The following RYR3 variants were observed in gnomAD, a reference collection of about 807,000 sequenced individuals.
RYR3 encodes the protein brain ryanodine receptor-calcium release channel.
A neutral mutation model predicts 584.3 loss-of-function variants in RYR3; 207 were observed. That is an observed-to-expected ratio of 0.35 (90% confidence interval 0.32 to 0.40). The LOEUF (loss-of-function observed/expected upper bound fraction) is 0.40, where lower values mean the gene tolerates loss of function less well. Among genes scored for constraint, RYR3 ranks in the 10% least tolerant of loss-of-function variants. The pLI is 1.00. For missense variants in RYR3, 5,616 were observed against 6,089.2 expected (o/e 0.92, Z 2.59); for synonymous variants, 2,416 against 2,248.5 (o/e 1.07, Z -2.11).
chr15:33,667,433 C>T (rs570237855), intron 36 of RYR3, among the ~76,000 whole-genome samples: 5 of 152,130 alleles, frequency 3.3e-5, no homozygotes, highest in Admixed American at 2.6e-4. Context: ...AAAACAAGTA[C>T]CTGACTTTGA....
chr15:33,508,410 G>A (rs2052657984), intron 3 of RYR3, among the ~76,000 whole-genome samples: 1 of 152,114 alleles, frequency 6.6e-6, no homozygotes. Context: ...AGCACTCTGG[G>A]AGGCTGAGGC....
intron 27 of RYR3, among the ~76,000 whole-genome samples, chr15:33,642,383 A>T (rs1341968095): frequency 6.6e-6 from 1 of 152,238 alleles, no homozygotes; most frequent in Non-Finnish European, 1.5e-5. Flanking sequence ...TGGCTCCAAG[A>T]TAAACCTATA....
At chr15:33,582,775 A>G (rs1412435929) in intron 14 of RYR3, among the ~76,000 whole-genome samples, 2 of 152,198 alleles carry the variant, frequency 1.3e-5, no homozygotes, top group Non-Finnish European at 2.9e-5. Context: ...AAAGGAGGTT[A>G]GGAGCTCAGA....
intron 1 of RYR3, among the ~76,000 whole-genome samples, chr15:33,404,592 T>G (rs1000478707): frequency 2.0e-4 from 30 of 150,522 alleles, no homozygotes; most frequent in African/African-American, 7.2e-4. Flanking sequence ...ACTGTGTGTT[T>G]TTTTTTTTTT....
At chr15:33,319,768 C>T (rs563351632) in intron 1 of RYR3, among the ~76,000 whole-genome samples, 1 of 152,270 alleles carries the variant, frequency 6.6e-6, no homozygotes, top group Admixed American at 6.5e-5. Flanking sequence ...TCCAGGAGAA[C>T]TAGATATGTA....
chr15:33,679,970 T>G (rs1481984579), intron 38 of RYR3, among the ~76,000 whole-genome samples: 5 of 152,236 alleles, frequency 3.3e-5, no homozygotes, highest in Admixed American at 6.5e-5. Flanking sequence ...ATGGAGCTAT[T>G]GAGAGTAAAC....
In RYR3 at chr15:33,690,941, C is replaced by A. The variant is rs534254384; in HGVS notation, c.5861-5277C>A. 8.5e-5 allele frequency among the ~76,000 whole-genome samples: 13 copies of A among 152,206 alleles called. No individual in the cohort carries two copies. In the East Asian group the frequency reaches 1.2e-3, roughly 14 times the overall value. ...TTCAAAACAAAGTGATATTTCTTTG[C>A]ATGATTATAAATCTCTTTAATGTCT... On this transcript the variant is annotated intron_variant, in intron 38 of 103. Coordinates refer to ENST00000634891, the MANE Select transcript of RYR3 (RefSeq NM_001036.6).
At chr15:33,380,664 A>G (rs757995048) in intron 1 of RYR3, among the ~76,000 whole-genome samples, 2 of 152,222 alleles carry the variant, frequency 1.3e-5, no homozygotes, top group East Asian at 3.9e-4. Flanking sequence ...GCATTTGCAC[A>G]TGGCGCTAAG....
chr15:33,821,612 A>G lies in RYR3; in HGVS notation c.10995+10A>G, dbSNP rs766480170. 6.2e-7 allele frequency: 1 copy of G among 1,613,442 alleles called. No homozygotes were observed. Among genetic ancestry groups the G allele is most frequent in the South Asian group, 1.1e-5 (1 of 91,064 alleles). ...TGCTGGTGTGCAACAGGTAACGGGA[A>G]CTTGCAGCGGCTGGGCAGGCTCCCG... On this transcript the variant is annotated intron_variant, in intron 80 of 103. Coordinates refer to ENST00000634891, the MANE Select transcript of RYR3 (RefSeq NM_001036.6).
At chr15:33,400,598 G>A (rs1005316490) in intron 1 of RYR3, among the ~76,000 whole-genome samples, 10 of 152,174 alleles carry the variant, frequency 6.6e-5, no homozygotes, top group Admixed American at 5.9e-4. Context: ...CCTTCATGGA[G>A]ACTTTCTTCC....
rs1243703315 is a variant in RYR3 at position 33,457,874 on chromosome 15, T to G, written c.52-15545T>G. Among the ~76,000 whole-genome samples the G allele has an allele frequency of 8.5e-5, 13 of 152,332 alleles. No individual in the cohort carries two copies. The East Asian group carries it at 2.3e-3, about 27-fold the overall frequency. On this transcript the variant is annotated intron_variant, in intron 1 of 103. Transcript: ENST00000634891. ...GTTCATTTTAAAAGTTAAAATAGTT[T>G]TACTTGCTGTCCTTTGAAGCTATCA...
intron 1 of RYR3, among the ~76,000 whole-genome samples, chr15:33,428,724 G>A (rs2044863739): frequency 8.3e-6 from 1 of 120,204 alleles, no homozygotes; most frequent in African/African-American, 3.1e-5. Flanking sequence ...TAAGTTAGAG[G>A]ATTTTTTTTT....
chr15:33,683,826 G>A (rs1196225120), intron 38 of RYR3, among the ~76,000 whole-genome samples: 2 of 152,294 alleles, frequency 1.3e-5, no homozygotes, highest in Non-Finnish European at 2.9e-5. Flanking sequence ...CAGACAAGGA[G>A]ATTCTCTCCT....
At chr15:33,660,480 C>G (rs1356596373) in intron 34 of RYR3, 57 bp downstream of exon 34, 1 of 1,222,566 alleles carries the variant, frequency 8.2e-7, no homozygotes. Flanking sequence ...GAGGCAGAGC[C>G]AAGCCAGCCC....
Position 33,810,584 on chromosome 15 carries a change from G to C in RYR3, c.10132G>C (p.Gly3378Arg). 6.2e-7 allele frequency: 1 copy of C among 1,614,044 alleles called. No homozygotes were observed. Among genetic ancestry groups the C allele is most frequent in the Non-Finnish European group, 8.5e-7 (1 of 1,179,900 alleles). Residue 3378 changes from glycine (G) to arginine (R), a missense_variant, in exon 71 of 104, where the codon GGT (glycine) becomes CGT (arginine). By Grantham distance (125) the Gly-to-Arg change is moderately radical. This residue lies in a region of RYR3 where 954 missense variants were observed against 1,132.2 expected (regional missense o/e 0.84). Transcript: ENST00000634891. ...VAALKKMLPI[G>R]LNMCTPGDQE... ...TGCACTCAAGAAAATGCTGCCCATTGGTTTGAATATGTGTACTCCAGGCGA... is the reference window on the plus strand; with the variant it reads ...TGCACTCAAGAAAATGCTGCCCATTCGTTTGAATATGTGTACTCCAGGCGA...
intron 1 of RYR3, among the ~76,000 whole-genome samples, chr15:33,361,171 C>T (rs1240102286): frequency 6.6e-6 from 1 of 152,138 alleles, no homozygotes; most frequent in African/African-American, 2.4e-5. Flanking sequence ...TTGCAGCTTC[C>T]ATGTAGATAG....
Position 33,838,742 on chromosome 15 carries a change from G to A in RYR3, c.12762G>A (p.Glu4254=). ...ACACTATGGAGGCTGAGAGGGCAGA[G>A]GTGATGGAGCCAGGTATCACCACTG... ...HDDTMEAERA[E]VMEPGITTEL... Residue 4254 remains glutamate (E), a synonymous_variant, in exon 89 of 104, where the codon GAG becomes GAA. Coordinates refer to ENST00000634891, the MANE Select transcript of RYR3 (RefSeq NM_001036.6). 6.2e-7 allele frequency: 1 copy of A among 1,613,940 alleles called. No homozygotes were observed. The highest frequency in any genetic ancestry group is 8.5e-7 in the Non-Finnish European group (1 of 1,179,880).
chr15:33,603,012 C>A, intron 17 of RYR3, 111 bp from the exon 18 acceptor site: 1 of 1,102,192 alleles, frequency 9.1e-7, no homozygotes, highest in Non-Finnish European at 1.3e-6. Context: ...AAATACACAG[C>A]ATTGCTCTTG....
At chr15:33,504,382 C>A (rs933031175) in intron 3 of RYR3, among the ~76,000 whole-genome samples, 3 of 152,274 alleles carry the variant, frequency 2.0e-5, no homozygotes, top group African/African-American at 7.2e-5. Flanking sequence ...GGCTCACATT[C>A]ATTTTTATAT....
Sources: gnomAD v4.1 joint callset for allele counts (sites outside exome capture counted in the v4.1 genomes callset) on GRCh38, gnomAD v4.1.1 for gene constraint, gnomAD v4.1.1 regional missense constraint, MANE v1.5 for transcripts, NCBI Gene and HGNC (gene_info 2026-07-23, HGNC 2026-07-21) for gene names.